MSANTD7: variants seen among roughly 807,000 people sequenced by gnomAD.
The protein encoded by MSANTD7 is Myb/SANT DNA binding domain containing 7.
the MSANTD7 span, chr10:14,843,682 C>T: frequency 2.6e-6 from 4 of 1,544,908 alleles, no homozygotes; most frequent in Non-Finnish European, 3.5e-6. Context: ...GCGATTGGCA[C>T]GAGAACTCTC....
chr10:14,838,642 G>C, the MSANTD7 span: 1 of 584,498 alleles, frequency 1.7e-6, no homozygotes. Context: ...CGATTCCTCC[G>C]GAAAGTCGTC....
the MSANTD7 span, chr10:14,844,261 C>T: frequency 2.7e-4 from 292 of 1,079,306 alleles, no homozygotes; most frequent in Admixed American, 1.7e-3. Context: ...GTGAGGATCA[C>T]GTAGTTCATA....
the MSANTD7 span, chr10:14,844,318 TATTA>T: frequency 6.9e-3 from 7,200 of 1,049,978 alleles, 408 homozygotes; most frequent in African/African-American, 0.11. Context: ...ACATTTAAGT[TATTA>T]ATTCATATGG....
chr10:14,839,565 C>A, the MSANTD7 span, among the ~76,000 whole-genome samples: 1 of 146,528 alleles, frequency 6.8e-6, no homozygotes, highest in African/African-American at 2.5e-5. Context: ...AGCAAGACTC[C>A]GTGTCCAAAA....
chr10:14,845,543 A>G, the MSANTD7 span: 1 of 984,566 alleles, frequency 1.0e-6, no homozygotes, highest in Non-Finnish European at 1.2e-6. Flanking sequence ...CTGGATTGGA[A>G]TCCTGTCACA....
the MSANTD7 span, chr10:14,843,531 G>A: frequency 1.7e-5 from 27 of 1,550,558 alleles, no homozygotes; most frequent in South Asian, 3.6e-5. Context: ...CCTCCACACC[G>A]CAGACTCCAG....
chr10:14,846,323 A>C, the MSANTD7 span: 1 of 985,430 alleles, frequency 1.0e-6, no homozygotes, highest in Non-Finnish European at 1.2e-6. Context: ...AGCAAAGTGC[A>C]TAAGACAGGG....
At chr10:14,843,979 GTGTCCTC>G in the MSANTD7 span, 2 of 1,488,914 alleles carry the variant, frequency 1.3e-6, no homozygotes, top group Admixed American at 4.8e-5. Context: ...CTCCTTTTCT[GTGTCCTC>G]AGAAAAAAAC....
At chr10:14,838,688 G>T in the MSANTD7 span, 2 of 503,874 alleles carry the variant, frequency 4.0e-6, no homozygotes. Flanking sequence ...ATGTAGACGC[G>T]CGGGGTCCCA....
At chr10:14,846,214 G>T in the MSANTD7 span, 1 of 985,222 alleles carries the variant, frequency 1.0e-6, no homozygotes, top group Non-Finnish European at 1.2e-6. Context: ...GGAAAGATAT[G>T]TGTCAATTAT....
the MSANTD7 span, among the ~76,000 whole-genome samples, chr10:14,839,142 A>G: frequency 6.6e-6 from 1 of 152,196 alleles, no homozygotes; most frequent in African/African-American, 2.4e-5. Context: ...GCCTGACAGG[A>G]CTTGTGGCCT....
At chr10:14,843,935 G>C in the MSANTD7 span, 1 of 1,531,044 alleles carries the variant, frequency 6.5e-7, no homozygotes, top group East Asian at 2.4e-5. Context: ...ACTGGTAGAA[G>C]TCTAGTTCCC....
the MSANTD7 span, chr10:14,842,144 G>C: frequency 6.5e-7 from 1 of 1,534,000 alleles, no homozygotes; most frequent in Non-Finnish European, 8.7e-7. This position sits in a 1 kb window ranked among gnomAD's most constrained non-coding sequence, Gnocchi z 5.2. Context: ...CCAGAAATGC[G>C]GTCCTTGGAC....
At chr10:14,841,213 A>C in the MSANTD7 span, 1 of 152,190 alleles carries the variant, frequency 6.6e-6, no homozygotes, top group South Asian at 2.1e-4. Context: ...GAGAGAATTC[A>C]ATATTCAGTG....
chr10:14,842,585 C>T, the MSANTD7 span: 11 of 1,536,004 alleles, frequency 7.2e-6, no homozygotes, highest in Middle Eastern at 1.7e-4. This position sits in a 1 kb window ranked among gnomAD's most constrained non-coding sequence, Gnocchi z 5.2. Context: ...TCAGCTTCTC[C>T]GAAATCAGAT....
the MSANTD7 span, among the ~76,000 whole-genome samples, chr10:14,838,895 G>T: frequency 2.0e-5 from 3 of 152,188 alleles, no homozygotes; most frequent in Non-Finnish European, 4.4e-5. Context: ...TGACGTCAGG[G>T]CCTCAGGATT....
chr10:14,838,663 C>T, the MSANTD7 span: 4 of 525,362 alleles, frequency 7.6e-6, no homozygotes, highest in Non-Finnish European at 1.3e-5. Context: ...TACTCCGCGG[C>T]GGAGGCTCGC....
chr10:14,843,953 C>T, the MSANTD7 span: 1 of 1,517,866 alleles, frequency 6.6e-7, no homozygotes, highest in Non-Finnish European at 8.8e-7. Flanking sequence ...CCCAAACCTG[C>T]CTTCTGAATC....
the MSANTD7 span, chr10:14,843,470 C>G: frequency 6.4e-7 from 1 of 1,550,594 alleles, no homozygotes; most frequent in Non-Finnish European, 8.7e-7. Context: ...CTGGGTGTGT[C>G]CGGGGAGCCC....
Sources: gnomAD v4.1 joint callset for allele counts (sites outside exome capture counted in the v4.1 genomes callset) on GRCh38, gnomAD v4.1.1 for gene constraint, Gnocchi (gnomAD v3.1) non-coding constraint, MANE v1.5 for transcripts, NCBI Gene and HGNC (gene_info 2026-07-23, HGNC 2026-07-21) for gene names.